VAT1L: variants seen among roughly 807,000 people sequenced by gnomAD.
VAT1L encodes the protein putative NADPH-dependent quinone oxidoreductase VAT1L.
In VAT1L, 34 loss-of-function variants were observed where a neutral mutation model predicts 44.1. The observed-to-expected ratio is 0.77, with a 90% CI of 0.59 to 1.03. The LOEUF (loss-of-function observed/expected upper bound fraction) is 1.03, where lower values mean the gene tolerates loss of function less well. VAT1L is among the 50% of genes least tolerant of loss of function. VAT1L has a pLI of 0.00. For synonymous variants in VAT1L, 253 were observed against 202.2 expected (o/e 1.25, Z -2.13); for missense variants, 615 against 538.8 (o/e 1.14, Z -1.40).
chr16:77,979,345 CT>C lies in VAT1L; in HGVS notation c.*1654del, dbSNP rs2018374803. On this transcript the variant is annotated 3_prime_UTR_variant, in exon 9 of 9. Coordinates refer to ENST00000302536, the MANE Select transcript of VAT1L (RefSeq NM_020927.3). ...TCCCAAAGGAGGACACCAGCATCAT[CT>C]TTTCTTCGTACTCCAGGACCCACCA... 1 of 152,216 alleles carries C rather than the reference CT, an allele frequency of 6.6e-6. No homozygotes were observed. Among genetic ancestry groups the C allele is most frequent in the Admixed American group, 6.5e-5 (1 of 15,276 alleles). 9.4% of individuals were successfully genotyped at this position (152,216 alleles called of 1,614,324 possible).
intron 3 of VAT1L, among the ~76,000 whole-genome samples, chr16:77,840,590 G>A (rs2016694161): frequency 6.6e-6 from 1 of 152,076 alleles, no homozygotes; most frequent in African/African-American, 2.4e-5. Context: ...CTCATCCTAG[G>A]AACACTCATT....
intron 7 of VAT1L, among the ~76,000 whole-genome samples, chr16:77,904,831 AT>A (rs140290627): frequency 0.079 from 12,052 of 152,046 alleles, 627 homozygotes; most frequent in South Asian, 0.17. Context: ...TGTAAGAAAA[AT>A]TTTTTTTCAA....
chr16:77,934,371 C>T (rs1249283544), intron 7 of VAT1L, among the ~76,000 whole-genome samples: 1 of 151,850 alleles, frequency 6.6e-6, no homozygotes, highest in Non-Finnish European at 1.5e-5. Flanking sequence ...CTTTGCATGA[C>T]CAAAAGGATT....
At chr16:77,939,384 C>T (rs2017847846) in intron 7 of VAT1L, among the ~76,000 whole-genome samples, 1 of 152,074 alleles carries the variant, frequency 6.6e-6, no homozygotes, top group African/African-American at 2.4e-5. Context: ...CAGTGGGGGG[C>T]CGGAGGCGGG....
Position 77,828,236 on chromosome 16 carries a change from G to A in VAT1L, c.579+2775G>A, listed in dbSNP as rs2016544715. Among the ~76,000 whole-genome samples the A allele has an allele frequency of 2.0e-5, 3 of 152,216 alleles. No homozygotes were observed. The East Asian group carries it at 5.8e-4, about 29-fold the overall frequency. On this transcript the variant is annotated intron_variant, in intron 3 of 8. Transcript: ENST00000302536. ...CACTCCCCTGCAGGGAGAGACCAGT[G>A]AGTCCCTGGTACCTGTATGTTGCCT... is the stretch of plus-strand genomic sequence containing the variant.
At chr16:77,920,087 AT>A (rs2017595653) in intron 7 of VAT1L, among the ~76,000 whole-genome samples, 1 of 152,212 alleles carries the variant, frequency 6.6e-6, no homozygotes, top group Non-Finnish European at 1.5e-5. Flanking sequence ...CCAAAAAAAA[AT>A]AAATAAATAA....
intron 7 of VAT1L, among the ~76,000 whole-genome samples, chr16:77,939,319 T>C (rs900800890): frequency 2.0e-5 from 3 of 152,124 alleles, no homozygotes; most frequent in Non-Finnish European, 2.9e-5. Context: ...TGAGAGCCAA[T>C]TGTGTGCATG....
At chr16:77,808,778 G>C (rs1183979673) in intron 1 of VAT1L, among the ~76,000 whole-genome samples, 1 of 152,020 alleles carries the variant, frequency 6.6e-6, no homozygotes, top group African/African-American at 2.4e-5. Context: ...TGTATTTTTA[G>C]TAGAGATGAT....
intron 3 of VAT1L, among the ~76,000 whole-genome samples, chr16:77,827,556 A>C (rs986504795): frequency 2.0e-5 from 3 of 152,236 alleles, no homozygotes; most frequent in East Asian, 3.8e-4. Context: ...AACTGGGGAA[A>C]GTGGACAATG....
chr16:77,967,059 AC>A (rs1165123947), intron 7 of VAT1L, among the ~76,000 whole-genome samples: 2 of 151,446 alleles, frequency 1.3e-5, no homozygotes, highest in African/African-American at 2.4e-5. Context: ...GGGCACTGTC[AC>A]CCCCGCCGGG....
chr16:77,943,690 C>A (rs1111423), intron 7 of VAT1L, among the ~76,000 whole-genome samples: 1 of 152,194 alleles, frequency 6.6e-6, no homozygotes, highest in African/African-American at 2.4e-5. Flanking sequence ...GTGTGAGTCA[C>A]TGCGCCCGAC....
intron 3 of VAT1L, among the ~76,000 whole-genome samples, chr16:77,840,744 G>A (rs1268817621): frequency 6.7e-6 from 1 of 149,182 alleles, no homozygotes; most frequent in African/African-American, 2.6e-5. Flanking sequence ...TTTGATTCCT[G>A]GCCCAGCTAT....
intron 3 of VAT1L, among the ~76,000 whole-genome samples, chr16:77,861,324 G>A (rs2016912386): frequency 6.6e-6 from 1 of 152,180 alleles, no homozygotes. Flanking sequence ...AGAAAACTGG[G>A]TTTTACTGGA....
At chr16:77,974,458 G>C (rs946970152) in intron 8 of VAT1L, among the ~76,000 whole-genome samples, 3 of 152,176 alleles carry the variant, frequency 2.0e-5, no homozygotes, top group Non-Finnish European at 4.4e-5. Flanking sequence ...GTCTTACCAA[G>C]GGAGGATTCT....
At chr16:77,844,182 T>C (rs1362263897) in intron 3 of VAT1L, among the ~76,000 whole-genome samples, 1 of 152,202 alleles carries the variant, frequency 6.6e-6, no homozygotes, top group East Asian at 1.9e-4. Context: ...TATCTGTGGA[T>C]CCAACCAACC....
intron 6 of VAT1L, among the ~76,000 whole-genome samples, chr16:77,880,193 G>A (rs1363073629): frequency 1.3e-5 from 2 of 152,080 alleles, no homozygotes; most frequent in Non-Finnish European, 2.9e-5. Context: ...GTCTAGCTCT[G>A]TCACCCAGGT....
At chr16:77,888,425 G>T (rs8043661) in intron 7 of VAT1L, among the ~76,000 whole-genome samples, 2,726 of 152,266 alleles carry the variant, frequency 0.018, 70 homozygotes, top group African/African-American at 0.062. Flanking sequence ...AGAGAAAGAG[G>T]ACTAGTTGGA....
chr16:77,870,993 A>G (rs1019774680), intron 4 of VAT1L, among the ~76,000 whole-genome samples: 12 of 150,436 alleles, frequency 8.0e-5, no homozygotes, highest in African/African-American at 1.2e-4. Flanking sequence ...AATAGACCCA[A>G]CTGAATCCAG....
At chr16:77,901,638 G>A (rs1346471691) in intron 7 of VAT1L, among the ~76,000 whole-genome samples, 1 of 152,120 alleles carries the variant, frequency 6.6e-6, no homozygotes, top group African/African-American at 2.4e-5. Context: ...CTAACTCCCA[G>A]GTTTGCAGGC....
Sources: gnomAD v4.1 joint callset for allele counts (sites outside exome capture counted in the v4.1 genomes callset) on GRCh38, gnomAD v4.1.1 for gene constraint, MANE v1.5 for transcripts, NCBI Gene and HGNC (gene_info 2026-07-23, HGNC 2026-07-21) for gene names.